Variants in GMPS observed in about 807,000 individuals in gnomAD.
The protein encoded by GMPS is guanosine monophosphate synthase.
Under a neutral mutation model 77.9 loss-of-function variants are expected in GMPS, and 15 were observed. The observed-to-expected ratio is 0.19, with a 90% CI of 0.13 to 0.30. The LOEUF is 0.30. Ranked by LOEUF, GMPS falls within the 10% of genes least tolerant of loss-of-function variation. GMPS has a pLI of 1.00. For synonymous variants in GMPS, 224 were observed against 275.9 expected, an observed-to-expected ratio of 0.81 and a Z score of 1.86; for missense variants, 590 against 838.8, an observed-to-expected ratio of 0.70 and a Z score of 3.66.
intron 1 of GMPS, among the ~76,000 whole-genome samples, chr3:155,872,309 T>A (rs1753925763): frequency 6.6e-6 from 1 of 152,216 alleles, no homozygotes; most frequent in African/African-American, 2.4e-5. Flanking sequence ...GCACCAGTGG[T>A]GCTTAGGTCC....
At chr3:155,912,584 T>C (rs1229147338) in intron 7 of GMPS, among the ~76,000 whole-genome samples, 1 of 152,220 alleles carries the variant, frequency 6.6e-6, no homozygotes, top group East Asian at 1.9e-4. Flanking sequence ...AGTATGGGTT[T>C]AGTGGTATAT....
chr3:155,936,159 T>G (rs1325405910), intron 14 of GMPS, among the ~76,000 whole-genome samples, 179 bp from the exon 15 acceptor site: 1 of 152,172 alleles, frequency 6.6e-6, no homozygotes, highest in Non-Finnish European at 1.5e-5. Context: ...GTTTTTTGCA[T>G]TTGTGATTAA....
chr3:155,881,065 AT>A, intron 1 of GMPS, among the ~76,000 whole-genome samples: 1 of 150,960 alleles, frequency 6.6e-6, no homozygotes, highest in South Asian at 2.1e-4. Flanking sequence ...GAATCAAAAT[AT>A]GTTATTAATA....
At chr3:155,934,544 A>G (rs1177671912) in intron 13 of GMPS, among the ~76,000 whole-genome samples, 1 of 152,182 alleles carries the variant, frequency 6.6e-6, no homozygotes, top group South Asian at 2.1e-4. Flanking sequence ...CTTCATTTTA[A>G]CTTGATTACA....
intron 1 of GMPS, among the ~76,000 whole-genome samples, chr3:155,886,749 A>G (rs977671246): frequency 6.7e-6 from 1 of 148,440 alleles, no homozygotes; most frequent in African/African-American, 2.5e-5. Context: ...CTTGTGATCC[A>G]CCCGCCTCAG....
At chr3:155,889,828 A>T (rs1754421692) in intron 1 of GMPS, among the ~76,000 whole-genome samples, 1 of 152,118 alleles carries the variant, frequency 6.6e-6, no homozygotes, top group East Asian at 1.9e-4. Flanking sequence ...TTTTATTATG[A>T]TGCACTCAGG....
chr3:155,918,345 T>G (rs975990372), intron 9 of GMPS, among the ~76,000 whole-genome samples: 1 of 151,832 alleles, frequency 6.6e-6, no homozygotes, highest in Admixed American at 6.6e-5. Flanking sequence ...CCAGCTACTC[T>G]GGAGGCTGAG....
At position 155,942,379 on chromosome 3, in the gene GMPS, C is replaced by T. The variant is rs1022371676; in HGVS notation, c.*4687C>T. On this transcript the variant is annotated 3_prime_UTR_variant, in exon 16 of 16. Transcript: ENST00000496455. Reference sequence around the variant, plus strand: ...CTGGGATTACAGGCGTGAGCCACCACGCCCGGCAAGCATTTACAGTTTTAA... The same window carrying T: ...CTGGGATTACAGGCGTGAGCCACCATGCCCGGCAAGCATTTACAGTTTTAA... 6 of 207,926 alleles carry T rather than the reference C, an allele frequency of 2.9e-5. No homozygotes were observed. Among genetic ancestry groups the T allele is most frequent in the South Asian group, 1.9e-4 (1 of 5,304 alleles). The allele number at this position is 207,926 out of a possible 1,614,324, so 12.9% of individuals were successfully genotyped here.
intron 12 of GMPS, 79 bp from the exon 13 acceptor site, chr3:155,931,682 TTAAA>T: frequency 2.1e-5 from 11 of 515,306 alleles, no homozygotes; most frequent in South Asian, 5.2e-5. Context: ...TCTTTTTTTT[TTAAA>T]AAAAAAAAAA....
At chr3:155,935,125 C>A in intron 14 of GMPS, 79 bp downstream of exon 14, 1 of 950,786 alleles carries the variant, frequency 1.1e-6, no homozygotes, top group Non-Finnish European at 1.7e-6. Flanking sequence ...GAGGATGTGG[C>A]TTTTGCTTTT....
rs1755769437 is a variant in GMPS at position 155,936,522 on chromosome 3, A to AT, written c.1980+19dup. 1.3e-6 allele frequency: 2 copies of AT among 1,532,952 alleles called. No individual in the cohort carries two copies. Among genetic ancestry groups the AT allele is most frequent in the Non-Finnish European group, 1.8e-6 (2 of 1,108,050 alleles). The allele number at this position is 1,532,952 out of a possible 1,614,324, so 95.0% of individuals were successfully genotyped here. On this transcript the variant is annotated intron_variant, in intron 15 of 15. Coordinates refer to ENST00000496455, the MANE Select transcript of GMPS (RefSeq NM_003875.3). Reference sequence around the variant, plus strand: ...AGATCCCTGTAGAGGTAATTTATATATTTTTTTCTAATGCACGTTCTCAGT... The same window carrying AT: ...AGATCCCTGTAGAGGTAATTTATATATTTTTTTTCTAATGCACGTTCTCAGT...
At chr3:155,881,473 G>C (rs537513313) in intron 1 of GMPS, among the ~76,000 whole-genome samples, 1 of 152,202 alleles carries the variant, frequency 6.6e-6, no homozygotes, top group South Asian at 2.1e-4. Context: ...CTCCTGGCTT[G>C]ATATTAGTTT....
intron 3 of GMPS, among the ~76,000 whole-genome samples, chr3:155,899,518 C>A (rs1382021496): frequency 1.3e-5 from 2 of 151,486 alleles, no homozygotes; most frequent in Non-Finnish European, 2.9e-5. Flanking sequence ...TTATATACCT[C>A]CAACCTCTAC....
At chr3:155,880,068 C>T (rs1445768853) in intron 1 of GMPS, among the ~76,000 whole-genome samples, 1 of 151,858 alleles carries the variant, frequency 6.6e-6, no homozygotes, top group East Asian at 1.9e-4. Context: ...AGCACCAAAA[C>T]CTTTAATTTT....
intron 4 of GMPS, among the ~76,000 whole-genome samples, chr3:155,905,642 G>T (rs1345440171): frequency 6.6e-6 from 1 of 152,006 alleles, no homozygotes; most frequent in Admixed American, 6.6e-5. Context: ...TAACTCTTTT[G>T]ATTTTGTATC....
intron 12 of GMPS, 33 bp downstream of exon 12, chr3:155,925,399 A>G (rs1451451344): frequency 1.0e-5 from 15 of 1,488,956 alleles, no homozygotes; most frequent in Admixed American, 9.3e-5. Flanking sequence ...CCAGTGATAT[A>G]CTTTTTTTTT....
intron 2 of GMPS, among the ~76,000 whole-genome samples, chr3:155,896,095 C>T (rs907026319): frequency 3.3e-5 from 5 of 151,686 alleles, no homozygotes; most frequent in South Asian, 2.1e-4. Context: ...CTGCAAGCTC[C>T]GCCTCCCAGG....
At chr3:155,937,328 A>G (rs1392612078) in intron 15 of GMPS, among the ~76,000 whole-genome samples, 2 of 152,182 alleles carry the variant, frequency 1.3e-5, no homozygotes, top group African/African-American at 4.8e-5. Context: ...CACAAACACA[A>G]CTTGCAGACT....
At chr3:155,911,308 T>G in intron 7 of GMPS, 29 bp downstream of exon 7, 1 of 1,478,166 alleles carries the variant, frequency 6.8e-7, no homozygotes, top group Non-Finnish European at 9.2e-7. Flanking sequence ...AAAGTTAACT[T>G]ACATGTTAGG....
Sources: allele counts gnomAD v4.1 joint callset (sites outside exome capture counted in the v4.1 genomes callset), GRCh38; gene constraint gnomAD v4.1.1; transcripts MANE v1.5; gene names NCBI Gene and HGNC (gene_info 2026-07-23, HGNC 2026-07-21).